GPC5: variants seen among roughly 807,000 people sequenced by gnomAD.
The protein encoded by GPC5 is glypican 5.
Under a neutral mutation model 53.9 loss-of-function variants are expected in GPC5, and 47 were observed. The ratio of observed to expected loss-of-function variants is 0.87; its 90% CI spans 0.69 to 1.11. The LOEUF (loss-of-function observed/expected upper bound fraction) is 1.11, where lower values mean the gene tolerates loss of function less well. Ranked by LOEUF, GPC5 falls within the 50% of genes most tolerant of loss-of-function variation. The pLI, the probability that GPC5 is intolerant of heterozygous loss-of-function variation, is 0.00. For synonymous variants in GPC5, 286 were observed against 263.3 expected (o/e 1.09, Z -0.84); for missense variants, 748 against 713.1 (o/e 1.05, Z -0.56).
chr13:92,020,531 C>T (rs947660141), intron 6 of GPC5, among the ~76,000 whole-genome samples: 9 of 152,066 alleles, frequency 5.9e-5, no homozygotes, highest in African/African-American at 2.2e-4. Flanking sequence ...AATGATATCT[C>T]ATTGTGGTTT....
chr13:91,773,580 G>A (rs1036085751), intron 5 of GPC5, among the ~76,000 whole-genome samples: 1 of 152,156 alleles, frequency 6.6e-6, no homozygotes, highest in Non-Finnish European at 1.5e-5. Flanking sequence ...TTTGAGTGCA[G>A]ATATTTTGGT....
chr13:91,731,625 C>T (rs901876872), intron 4 of GPC5, among the ~76,000 whole-genome samples: 1 of 151,920 alleles, frequency 6.6e-6, no homozygotes, highest in African/African-American at 2.4e-5. Context: ...ATCAACCTGT[C>T]CTCTAGGTTT....
intron 3 of GPC5, among the ~76,000 whole-genome samples, chr13:91,714,678 C>A (rs2036297598): frequency 6.6e-6 from 1 of 151,862 alleles, no homozygotes; most frequent in Non-Finnish European, 1.5e-5. Context: ...GAAGGACAAG[C>A]TGTGAGTCGA....
intron 2 of GPC5, among the ~76,000 whole-genome samples, chr13:91,674,959 C>G (rs931281264): frequency 1.3e-5 from 2 of 151,710 alleles, no homozygotes; most frequent in African/African-American, 4.8e-5. Flanking sequence ...AATTTCTAAC[C>G]CTTATTTCCC....
At chr13:92,210,854 T>C (rs1387855713) in intron 7 of GPC5, among the ~76,000 whole-genome samples, 1 of 152,204 alleles carries the variant, frequency 6.6e-6, no homozygotes, top group Admixed American at 6.5e-5. Context: ...TGTGTTGGCA[T>C]GACTTTGAGA....
chr13:91,739,627 T>A lies in GPC5; in HGVS notation c.1154+10962T>A, dbSNP rs570654989. Among the ~76,000 whole-genome samples, 10 of 151,268 alleles carry A rather than the reference T, an allele frequency of 6.6e-5. 1 individual carries two copies. The highest frequency in any genetic ancestry group is 2.2e-4 in the African/African-American group (9 of 40,636). Reference sequence around the variant, plus strand: ...CATGGCTGTTGGTGGGAGGCCTCCGTTTGTTGTCACAGTGACCTCTCCATA... The same window carrying A: ...CATGGCTGTTGGTGGGAGGCCTCCGATTGTTGTCACAGTGACCTCTCCATA... On this transcript the variant is annotated intron_variant, in intron 4 of 7. Coordinates refer to ENST00000377067, the MANE Select transcript of GPC5 (RefSeq NM_004466.6).
Position 91,973,620 on chromosome 13 carries a change from G to T in GPC5, c.1401+65563G>T, listed in dbSNP as rs572676545. Among the ~76,000 whole-genome samples, 318 of 152,246 alleles carry T rather than the reference G, an allele frequency of 2.1e-3. 2 individuals carry two copies. Among genetic ancestry groups the T allele is most frequent in the African/African-American group, 6.8e-3 (283 of 41,542 alleles). On this transcript the variant is annotated intron_variant, in intron 6 of 7. Transcript: ENST00000377067. ...GTTTTATCTACTTTTGGTCTTTGAT[G>T]ATGGTGATGTACAGATGGGTTTTTG...
At chr13:92,434,185 A>T (rs1877207560) in intron 7 of GPC5, among the ~76,000 whole-genome samples, 2 of 152,186 alleles carry the variant, frequency 1.3e-5, no homozygotes. Flanking sequence ...TAATAACTGT[A>T]GCAGGGTTAT....
Position 91,642,432 on chromosome 13 carries a change from G to A in GPC5, c.326-50755G>A, listed in dbSNP as rs1170677785. Among the ~76,000 whole-genome samples, 3 of 152,168 alleles carry A rather than the reference G, an allele frequency of 2.0e-5. No individual in the cohort carries two copies. In the East Asian group the frequency reaches 5.8e-4, roughly 29 times the overall value. ...AGGGAAGAAAAGTAACACAGGAAGC[G>A]ACTGAAAAGGAGTGGCTAGAGAGAT... On this transcript the variant is annotated intron_variant, in intron 2 of 7. Coordinates refer to ENST00000377067, the MANE Select transcript of GPC5 (RefSeq NM_004466.6).
At chr13:91,559,239 C>T (rs148548294) in intron 2 of GPC5, among the ~76,000 whole-genome samples, 63 of 152,242 alleles carry the variant, frequency 4.1e-4, no homozygotes, top group African/African-American at 1.4e-3. Context: ...CCAACTGAAG[C>T]AGGTGCGTAG....
intron 1 of GPC5, among the ~76,000 whole-genome samples, chr13:91,400,824 G>GT (rs2138737676): frequency 6.6e-6 from 1 of 152,270 alleles, no homozygotes; most frequent in African/African-American, 2.4e-5. Context: ...ACTTTCCAGA[G>GT]TATCAGTCAC....
chr13:92,468,031 T>C (rs1394618638), intron 7 of GPC5, among the ~76,000 whole-genome samples: 1 of 152,124 alleles, frequency 6.6e-6, no homozygotes, highest in Non-Finnish European at 1.5e-5. Context: ...AGATTAACTT[T>C]CCCACCTTTT....
At chr13:91,945,897 A>G (rs2039970194) in intron 6 of GPC5, among the ~76,000 whole-genome samples, 1 of 152,156 alleles carries the variant, frequency 6.6e-6, no homozygotes. Context: ...ATTATTTTGT[A>G]GTTATTTTTC....
intron 7 of GPC5, among the ~76,000 whole-genome samples, chr13:92,344,493 T>C (rs1051839200): frequency 3.3e-5 from 5 of 152,088 alleles, no homozygotes; most frequent in Admixed American, 6.6e-5. Flanking sequence ...CAAAATTTGG[T>C]TCAGATGAGA....
intron 7 of GPC5, among the ~76,000 whole-genome samples, chr13:92,758,509 G>T (rs1332612627): frequency 1.3e-5 from 2 of 152,034 alleles, no homozygotes; most frequent in East Asian, 1.9e-4. Flanking sequence ...CTGTTATATA[G>T]TATGTGGGAA....
At chr13:91,509,489 T>TTATG (rs1885123147) in intron 2 of GPC5, among the ~76,000 whole-genome samples, 1 of 149,034 alleles carries the variant, frequency 6.7e-6, no homozygotes, top group Admixed American at 6.9e-5. Flanking sequence ...GTTTAAAAAG[T>TTATG]CATGCTATAA....
At chr13:91,833,441 A>G (rs140195301) in intron 5 of GPC5, among the ~76,000 whole-genome samples, 364 of 152,246 alleles carry the variant, frequency 2.4e-3, no homozygotes, top group African/African-American at 8.4e-3. Context: ...CACAACAACA[A>G]CAACAAAAGA....
chr13:91,920,379 G>A (rs1298008317), intron 6 of GPC5, among the ~76,000 whole-genome samples: 2 of 152,104 alleles, frequency 1.3e-5, no homozygotes, highest in Admixed American at 6.6e-5. Flanking sequence ...GAAAGTAATA[G>A]GAAGTAAAAT....
At chr13:92,388,396 A>C (rs1874841971) in intron 7 of GPC5, among the ~76,000 whole-genome samples, 1 of 152,092 alleles carries the variant, frequency 6.6e-6, no homozygotes, top group African/African-American at 2.4e-5. Flanking sequence ...GGAAAGATAG[A>C]CTATCTTTAA....
Sources: allele counts gnomAD v4.1 joint callset (sites outside exome capture counted in the v4.1 genomes callset), GRCh38; gene constraint gnomAD v4.1.1; transcripts MANE v1.5; gene names NCBI Gene and HGNC (gene_info 2026-07-23, HGNC 2026-07-21).